The following AGBL2 variants were observed in gnomAD, a reference collection of about 807,000 sequenced individuals.
The protein encoded by AGBL2 is AGBL carboxypeptidase 2.
In AGBL2, 87 loss-of-function variants were observed where a neutral mutation model predicts 103.0. The observed-to-expected ratio is 0.84, with a 90% CI of 0.71 to 1.01. AGBL2 has a LOEUF of 1.01. Ranked by LOEUF, AGBL2 falls within the 50% of genes least tolerant of loss-of-function variation. The probability of loss-of-function intolerance (pLI) is 0.00; values close to 1 mark genes in which losing one functional copy is unlikely to be tolerated. For missense variants in AGBL2, 904 were observed against 1,023.5 expected, an observed-to-expected ratio of 0.88 and a Z score of 1.59; for synonymous variants, 335 against 356.7, an observed-to-expected ratio of 0.94 and a Z score of 0.69.
At chr11:47,714,117 C>A in intron 3 of AGBL2, 167 bp downstream of exon 3, 1 of 604,388 alleles carries the variant, frequency 1.7e-6, no homozygotes, top group African/African-American at 1.9e-5. Context: ...AGGTGACCCG[C>A]AGATCAATGG....
intron 11 of AGBL2, among the ~76,000 whole-genome samples, chr11:47,683,891 G>A (rs2097412457): frequency 6.9e-6 from 1 of 145,650 alleles, no homozygotes; most frequent in Admixed American, 7.0e-5. Context: ...AGGAGTTCAA[G>A]ACCAGCCTAG....
At chr11:47,710,759 G>T in intron 3 of AGBL2, 1 of 561,182 alleles carries the variant, frequency 1.8e-6, no homozygotes, top group Non-Finnish European at 3.4e-6. Context: ...GTAGTGGAGT[G>T]AGAAAGGACT....
rs1225132402 is a variant in AGBL2 at position 47,667,651 on chromosome 11, G to A, written c.2260C>T (p.Leu754Phe). ...KMFKKKKKKSLQTRKQRNEQY... is the reference protein window; with the variant it reads ...KMFKKKKKKSFQTRKQRNEQY... ...TCATTTCGCTGTTTCCTAGTCTGAA[G>A]TGACTTCTTTTTTTTCTTCTTAAAC... The change falls in exon 16 of 19, where the codon CTT becomes TTT. Residue 754 changes from leucine (L) to phenylalanine (F), a missense_variant. Transcript: ENST00000525123. The A allele has an allele frequency of 1.9e-6, 3 of 1,613,260 alleles. No individual in the cohort carries two copies. Among genetic ancestry groups the A allele is most frequent in the Non-Finnish European group, 2.5e-6 (3 of 1,179,780 alleles).
At chr11:47,692,478 C>T (rs1384044187) in intron 8 of AGBL2, among the ~76,000 whole-genome samples, 1 of 122,652 alleles carries the variant, frequency 8.2e-6, no homozygotes, top group Non-Finnish European at 1.6e-5. Context: ...GTGACACGAT[C>T]TTGGCTCACT....
chr11:47,703,783 GGT>G (rs2097506917), intron 7 of AGBL2, among the ~76,000 whole-genome samples: 1 of 152,012 alleles, frequency 6.6e-6, no homozygotes, highest in East Asian at 1.9e-4. Context: ...AAATTAGCCG[GGT>G]GTGGTGGCAC....
At position 47,695,454 on chromosome 11, in the gene AGBL2, G is replaced by A. The variant is rs533189908; in HGVS notation, c.695-3198C>T. Among the ~76,000 whole-genome samples, 28 of 128,960 alleles carry A rather than the reference G, an allele frequency of 2.2e-4. No homozygotes were observed. The East Asian group carries it at 3.9e-3, about 18-fold the overall frequency. 84.6% of individuals were successfully genotyped at this position (128,960 alleles called of 152,430 possible). A position where few individuals can be genotyped will look rare whatever the true frequency, so the allele number is the denominator to read the frequency against. On this transcript the variant is annotated intron_variant, in intron 8 of 18. Coordinates refer to ENST00000525123, the MANE Select transcript of AGBL2 (RefSeq NM_024783.4). ...CACACCACTGCACTCCAGCCTGGGC[G>A]ACGAAAGTGAAACTCTGTCTCAAAA...
intron 14 of AGBL2, among the ~76,000 whole-genome samples, chr11:47,676,510 G>A (rs149335828): frequency 1.9e-3 from 287 of 152,268 alleles, no homozygotes; most frequent in Middle Eastern, 0.014. Context: ...AGCAGCCAGT[G>A]TTCCTGTTGA....
chr11:47,691,729 A>AAAAAAAAAAAAAAAAAAAAAAT, intron 9 of AGBL2, among the ~76,000 whole-genome samples: 1 of 4,856 alleles, frequency 2.1e-4, no homozygotes, highest in Non-Finnish European at 3.6e-4. Context: ...AAAAAAAAAA[A>AAAAAAAAAAAAAAAAAAAAAAT]ATATATATAT....
In AGBL2 at chr11:47,660,246, C is replaced by T. The variant is rs765718446; in HGVS notation, c.2636G>A (p.Arg879Lys). 1.9e-6 allele frequency: 3 copies of T among 1,614,230 alleles called. No individual in the cohort carries two copies. Among genetic ancestry groups the T allele is most frequent in the East Asian group, 2.2e-5 (1 of 44,890 alleles). ...ACAGCCTCTCTTTGTGGCAGGATATCTGCTCCTAGGCCAGTTTGGCTTCAT... is the reference window on the plus strand; with the variant it reads ...ACAGCCTCTCTTTGTGGCAGGATATTTGCTCCTAGGCCAGTTTGGCTTCAT... Reference protein sequence around the residue: ...PGMKPNWPRSRYPATKRGCAA... With the variant: ...PGMKPNWPRSKYPATKRGCAA... Residue 879 changes from arginine (R) to lysine (K), a missense_variant, in exon 19 of 19, where the codon AGA becomes AAA. Arg to Lys is a conservative substitution (Grantham distance 26). Coordinates refer to ENST00000525123, the MANE Select transcript of AGBL2 (RefSeq NM_024783.4).
chr11:47,671,932 A>G (rs2097358763), intron 14 of AGBL2, among the ~76,000 whole-genome samples: 1 of 152,156 alleles, frequency 6.6e-6, no homozygotes, highest in Admixed American at 6.5e-5. Flanking sequence ...TTTCCTTTGC[A>G]ATCGTGACAA....
In AGBL2 at chr11:47,680,047, T is replaced by C. The variant is rs766790620; in HGVS notation, c.1942A>G (p.Ile648Val). Reference sequence around the variant, plus strand: ...TAACCTAAGGACTTCAGATCTTCGATGGTAAAGTGGGTGTCTCTTTTATTA... The same window carrying C: ...TAACCTAAGGACTTCAGATCTTCGACGGTAAAGTGGGTGTCTCTTTTATTA... ...LGNKRDTHFT[I>V]EDLKSLGYHV... Residue 648 changes from isoleucine (I) to valine (V), a missense_variant, in exon 13 of 19, where the codon ATC becomes GTC. Transcript: ENST00000525123. 3.1e-6 allele frequency: 5 copies of C among 1,611,452 alleles called. No individual in the cohort carries two copies. In the East Asian group the frequency reaches 6.7e-5, roughly 22 times the overall value.
chr11:47,679,950 A>G, intron 13 of AGBL2, 23 bp downstream of exon 13: 1 of 1,496,496 alleles, frequency 6.7e-7, no homozygotes, highest in Non-Finnish European at 9.3e-7. Context: ...CCTTCATCAC[A>G]TTTCTTGAAA....
intron 12 of AGBL2, 30 bp downstream of exon 12, chr11:47,681,939 C>T: frequency 6.3e-7 from 1 of 1,598,260 alleles, no homozygotes. Flanking sequence ...CCTTCCTATG[C>T]TGGCCTATGA....
At chr11:47,668,972 T>A (rs2097349195) in intron 14 of AGBL2, 65 bp from the exon 15 acceptor site, 1 of 1,127,556 alleles carries the variant, frequency 8.9e-7, no homozygotes. Flanking sequence ...AGCATAACAT[T>A]TACCAGACCA....
chr11:47,674,157 A>G (rs1268307953), intron 14 of AGBL2, among the ~76,000 whole-genome samples: 1 of 152,160 alleles, frequency 6.6e-6, no homozygotes, highest in African/African-American at 2.4e-5. Flanking sequence ...GACAGAGGCA[A>G]TAAATGCTAT....
In AGBL2 at chr11:47,692,160, T is replaced by C; in HGVS notation, c.791A>G (p.Asn264Ser). The C allele has an allele frequency of 6.2e-7, 1 of 1,613,830 alleles. No homozygotes were observed. Among genetic ancestry groups the C allele is most frequent in the Non-Finnish European group, 8.5e-7 (1 of 1,179,888 alleles). The change falls in exon 9 of 19, where the codon AAT becomes AGT. Residue 264 changes from asparagine (N) to serine (S), a missense_variant. Coordinates refer to ENST00000525123, the MANE Select transcript of AGBL2 (RefSeq NM_024783.4). ...LAVTLQGPED[N>S]TLLFESRFES... Reference sequence around the variant, plus strand: ...AAACCTTGATTCAAACAGTAGAGTATTATCTTCTGGTCCTTGCAACGTGAC... The same window carrying C: ...AAACCTTGATTCAAACAGTAGAGTACTATCTTCTGGTCCTTGCAACGTGAC...
In AGBL2 at chr11:47,677,176, T is replaced by G. The variant is rs1378675688; in HGVS notation, c.2147+95A>C. The stretch of plus-strand genomic sequence containing the variant: ...GCATAGATCACCAAGCCCAGCTAAT[T>G]TTTGTATTTTTTGTAGAGACAACAT... On this transcript the variant is annotated intron_variant, in intron 14 of 18. Coordinates refer to ENST00000525123, the MANE Select transcript of AGBL2 (RefSeq NM_024783.4). 2.8e-6 allele frequency: 3 copies of G among 1,070,144 alleles called. No homozygotes were observed. The African/African-American group carries it at 5.0e-5, about 18-fold the overall frequency. The allele number at this position is 1,070,144 out of a possible 1,614,324, so 66.3% of individuals were successfully genotyped here.
intron 3 of AGBL2, among the ~76,000 whole-genome samples, chr11:47,713,338 C>T (rs1277060272): frequency 7.8e-6 from 1 of 128,198 alleles, no homozygotes; most frequent in Non-Finnish European, 1.6e-5. Context: ...GAGTGAGACT[C>T]TATCGCAAAA....
rs573632475 is a variant in AGBL2 at position 47,679,834 on chromosome 11, G to A, written c.2016+139C>T. On this transcript the variant is annotated intron_variant, in intron 13 of 18. Transcript: ENST00000525123. Reference sequence around the variant, plus strand: ...TTTTTGTATTTTTAGTAGAGAGAGGGTTTTGCCATGTTGCCCAGGCTGGTC... The same window carrying A: ...TTTTTGTATTTTTAGTAGAGAGAGGATTTTGCCATGTTGCCCAGGCTGGTC... 3.8e-5 allele frequency: 19 copies of A among 499,362 alleles called. No homozygotes were observed. In the Admixed American group the frequency reaches 5.2e-4, roughly 14 times the overall value. The allele number at this position is 499,362 out of a possible 1,614,324, so 30.9% of individuals were successfully genotyped here.
Sources: allele counts gnomAD v4.1 joint callset (sites outside exome capture counted in the v4.1 genomes callset), GRCh38; gene constraint gnomAD v4.1.1; transcripts MANE v1.5; gene names NCBI Gene and HGNC (gene_info 2026-07-23, HGNC 2026-07-21).